The following DUOX1 variants were observed in gnomAD, a reference collection of about 807,000 sequenced individuals.
DUOX1 encodes dual oxidase 1, also known as NADPH thyroid oxidase 1.
DUOX1 carries 134 observed loss-of-function variants against 181.8 expected under a neutral mutation model. That is an observed-to-expected ratio of 0.74 (90% CI 0.64 to 0.85). The LOEUF is 0.85. Among genes scored for constraint, DUOX1 ranks in the 40% least tolerant of loss-of-function variants. The probability of loss-of-function intolerance (pLI) is 0.00; values close to 1 mark genes in which losing one functional copy is unlikely to be tolerated. For missense variants in DUOX1, 1,814 were observed against 2,064.4 expected (o/e 0.88, Z 2.35); for synonymous variants, 798 against 832.5 (o/e 0.96, Z 0.71).
Position 45,153,980 on chromosome 15 carries a change from G to T in DUOX1, c.3554G>T (p.Trp1185Leu), listed in dbSNP as rs776256232. The T allele has an allele frequency of 3.1e-6, 5 of 1,613,314 alleles. No individual in the cohort carries two copies. Among genetic ancestry groups the T allele is most frequent in the Non-Finnish European group, 4.2e-6 (5 of 1,179,472 alleles). The change falls in exon 27 of 34, where the codon TGG (tryptophan) becomes TTG (leucine). Residue 1185 changes from tryptophan (W) to leucine (L), a missense_variant. Transcript: ENST00000389037. ...GSELPQKYYWWFFQTVPGLTG... is the reference protein window; with the variant it reads ...GSELPQKYYWLFFQTVPGLTG... ...GAGCTCCCCCAGAAGTATTACTGGT[G>T]GTTCTTCCAGACCGTACCAGGTGAG...
chr15:45,143,996 A>T, intron 16 of DUOX1, 40 bp from the exon 17 acceptor site: 11 of 1,606,484 alleles, frequency 6.8e-6, no homozygotes, highest in Non-Finnish European at 9.4e-6. Context: ...TGTACCTCTG[A>T]TGGGTCCCAG....
At chr15:45,142,838 G>A (rs1178584028) in intron 15 of DUOX1, among the ~76,000 whole-genome samples, 1 of 147,200 alleles carries the variant, frequency 6.8e-6, no homozygotes, top group Non-Finnish European at 1.5e-5. Flanking sequence ...CATAGTCGCT[G>A]GAGTGAGGGC....
At chr15:45,158,815 C>A (rs1462841771) in intron 28 of DUOX1, among the ~76,000 whole-genome samples, 1 of 150,578 alleles carries the variant, frequency 6.6e-6, no homozygotes, top group East Asian at 2.0e-4. Flanking sequence ...CTAATCTCTT[C>A]CTTAGGAACT....
chr15:45,142,789 G>GGAAGGAAGGAAGGAAGGAATGA (rs1480496555), intron 15 of DUOX1, among the ~76,000 whole-genome samples: 1 of 139,762 alleles, frequency 7.2e-6, no homozygotes, highest in Admixed American at 7.4e-5. Context: ...GGAAGGAAGG[G>GGAAGGAAGGAAGGAAGGAATGA]AGGGAGGAAG....
At chr15:45,134,091 G>T (rs1338569614) in intron 3 of DUOX1, 54 bp from the exon 4 acceptor site, 1 of 1,536,644 alleles carries the variant, frequency 6.5e-7, no homozygotes, top group Non-Finnish European at 8.8e-7. Flanking sequence ...GGGAGAGAGG[G>T]GGTCAAGAAT....
Position 45,148,048 on chromosome 15 carries a change from G to A in DUOX1, c.2642+51G>A, listed in dbSNP as rs767136880. 2.0e-6 allele frequency: 3 copies of A among 1,516,596 alleles called. No individual in the cohort carries two copies. In the South Asian group the frequency reaches 3.4e-5, roughly 17 times the overall value. 93.9% of individuals were successfully genotyped at this position (1,516,596 alleles called of 1,614,324 possible). ...AATGGGCCAGGGCAGGGATGCCAGG[G>A]CAAATAGATGGGACCTGAAGGAGAG... On this transcript the variant is annotated intron_variant, in intron 20 of 33. Transcript: ENST00000389037.
intron 15 of DUOX1, 125 bp downstream of exon 15, chr15:45,142,237 T>A: frequency 8.7e-7 from 1 of 1,147,876 alleles, no homozygotes; most frequent in Non-Finnish European, 1.2e-6. Context: ...GGTAGGAGAA[T>A]GAAACATTAG....
At position 45,147,643 on chromosome 15, in the gene DUOX1, G is replaced by A; in HGVS notation, c.2533G>A (p.Val845Met). 1 of 1,614,182 alleles carries A rather than the reference G, an allele frequency of 6.2e-7. No individual in the cohort carries two copies. ...CTTCCGAGAGTTCCTGGACATCCTG[G>A]TGGTCTTCATGAAAGGTGAGGGAGG... ...LSFREFLDIL[V>M]VFMKGSPEEK... is the part of the protein sequence containing the mutation. The change falls in exon 19 of 34, where the codon GTG (valine) becomes ATG (methionine). Residue 845 changes from valine to methionine, a missense_variant. Physicochemically the swap from Val to Met is conservative, Grantham distance 21. This residue lies in a region of DUOX1 where 1,064 missense variants were observed against 1,152.9 expected (regional missense o/e 0.92). Coordinates refer to ENST00000389037, the MANE Select transcript of DUOX1 (RefSeq NM_175940.3).
intron 18 of DUOX1, 89 bp downstream of exon 18, chr15:45,145,169 C>A: frequency 8.1e-7 from 1 of 1,237,042 alleles, no homozygotes; most frequent in African/African-American, 1.5e-5. Context: ...GAAGTCAAAG[C>A]CCAGAGTTCT....
At chr15:45,143,977 T>C in intron 16 of DUOX1, 59 bp from the exon 17 acceptor site, 2 of 1,574,400 alleles carry the variant, frequency 1.3e-6, no homozygotes, top group Non-Finnish European at 1.7e-6. Context: ...CTGGCCCTCT[T>C]CCTCCCAATG....
At chr15:45,131,879 T>C in intron 1 of DUOX1, 39 bp from the exon 2 acceptor site, 40 of 1,413,314 alleles carry the variant, frequency 2.8e-5, no homozygotes, top group Non-Finnish European at 3.8e-5. Flanking sequence ...CTGATTCTTC[T>C]GAGTAGCTGG....
At position 45,162,302 on chromosome 15, in the gene DUOX1, G is replaced by A. The variant is rs1897128801; in HGVS notation, c.4173G>A (p.Gly1391=). 6.2e-7 allele frequency: 1 copy of A among 1,613,822 alleles called. No homozygotes were observed. Among genetic ancestry groups the A allele is most frequent in the African/African-American group, 1.3e-5 (1 of 74,894 alleles). Residue 1391 remains glycine (G), a synonymous_variant, in exon 31 of 34, where the codon GGG becomes GGA. Transcript: ENST00000389037. ...EVSVLVGGGI[G]VTPFASILKD... ...CAGTGTTAGTGGGAGGGGGCATTGG[G>A]GTCACCCCTTTTGCCTCCATCCTCA...
At position 45,144,182 on chromosome 15, in the gene DUOX1, AGCAACCGTGGACGCC is replaced by A. The variant is rs1567013153; in HGVS notation, c.2087_2101del (p.Asn696_Arg700del). 1.2e-6 allele frequency: 2 copies of A among 1,614,190 alleles called. No individual in the cohort carries two copies. The highest frequency in any genetic ancestry group is 8.5e-7 in the Non-Finnish European group (1 of 1,180,060). On this transcript the variant is annotated inframe_deletion, in exon 17 of 34. Transcript: ENST00000389037. ...ACAGAAGGTCAACTTCGTCCTGTCC[AGCAACCGTGGACGCC>A]GCACTCTGCTGCTCAAGATCCCCAA...
intron 15 of DUOX1, 142 bp from the exon 16 acceptor site, chr15:45,143,048 C>T (rs1896549040): frequency 1.5e-6 from 1 of 645,326 alleles, no homozygotes; most frequent in African/African-American, 1.8e-5. Context: ...CCCCAGGGAC[C>T]TTCCCAATCT....
chr15:45,162,437 A>C, intron 31 of DUOX1, 60 bp downstream of exon 31: 1 of 1,570,098 alleles, frequency 6.4e-7, no homozygotes, highest in South Asian at 1.2e-5. Context: ...CATGGTACCC[A>C]TCTGTGCCTT....
intron 10 of DUOX1, chr15:45,138,663 C>T: frequency 5.7e-6 from 1 of 176,674 alleles, no homozygotes; most frequent in Non-Finnish European, 1.2e-5. Flanking sequence ...AAAGAGGACT[C>T]AGTGTCCCCC....
At chr15:45,154,535 T>C (rs1896918483) in intron 27 of DUOX1, among the ~76,000 whole-genome samples, 2 of 152,276 alleles carry the variant, frequency 1.3e-5, no homozygotes, top group South Asian at 4.1e-4. Context: ...ATTTTCAGTC[T>C]GTTCCTTCCT....
intron 19 of DUOX1, 44 bp downstream of exon 19, chr15:45,147,702 T>G (rs1216987576): frequency 1.2e-6 from 2 of 1,610,232 alleles, no homozygotes; most frequent in African/African-American, 2.7e-5. Context: ...CAGGGGCTGA[T>G]CTGTTGGAGA....
Position 45,155,846 on chromosome 15 carries a change from G to T in DUOX1, c.3619G>T (p.Val1207Phe). Residue 1207 changes from valine to phenylalanine, a missense_variant, in exon 28 of 34, where the codon GTC becomes TTC. Around this residue, in one of 5 missense-constraint regions of DUOX1, gnomAD observed 279 missense variants for 381.9 expected, o/e 0.73. Coordinates refer to ENST00000389037, the MANE Select transcript of DUOX1 (RefSeq NM_175940.3). The stretch of plus-strand genomic sequence containing the variant: ...GCTCCTGATCCTGGCCATCATGTAT[G>T]TCTTTGCCTCCCACCACTTCCGCCG... ...VLLLILAIMY[V>F]FASHHFRRRS... The T allele has an allele frequency of 6.2e-7, 1 of 1,614,056 alleles. No individual in the cohort carries two copies. The highest frequency in any genetic ancestry group is 1.1e-5 in the South Asian group (1 of 91,078).
Sources: allele counts gnomAD v4.1 joint callset (sites outside exome capture counted in the v4.1 genomes callset), GRCh38; gene constraint gnomAD v4.1.1; regional missense constraint gnomAD v4.1.1; transcripts MANE v1.5; gene names NCBI Gene and HGNC (gene_info 2026-07-23, HGNC 2026-07-21).